The following DEDD2 variants were observed in gnomAD, a reference collection of about 807,000 sequenced individuals.
The protein encoded by DEDD2 is DNA-binding death effector domain-containing protein 2.
A neutral mutation model predicts 28.9 loss-of-function variants in DEDD2; 18 were observed. That is an observed-to-expected ratio of 0.62 (90% CI 0.43 to 0.92). The LOEUF is 0.92. DEDD2 is among the 40% of genes least tolerant of loss of function. DEDD2 has a pLI of 0.00. For missense variants in DEDD2, 411 were observed against 463.3 expected (o/e 0.89, Z 1.04); for synonymous variants, 211 against 206.1 (o/e 1.02, Z -0.20).
intron 4 of DEDD2, among the ~76,000 whole-genome samples, chr19:42,200,987 C>A (rs909795232): frequency 6.6e-6 from 1 of 152,214 alleles, no homozygotes; most frequent in Non-Finnish European, 1.5e-5. Flanking sequence ...ACGAGGCTGT[C>A]CTGAGGATCA....
intron 4 of DEDD2, 139 bp downstream of exon 4, chr19:42,209,561 A>G (rs1027719955): frequency 4.6e-5 from 59 of 1,273,380 alleles, no homozygotes; most frequent in Non-Finnish European, 5.5e-5. Flanking sequence ...GAGAAAGGAC[A>G]AGAATTCCAC....
intron 4 of DEDD2, among the ~76,000 whole-genome samples, chr19:42,209,271 T>C (rs1599769865): frequency 6.6e-6 from 1 of 151,602 alleles, no homozygotes; most frequent in East Asian, 1.9e-4. Context: ...GAAACGAAAC[T>C]GAGGCAGAGA....
At chr19:42,209,866 T>G in intron 3 of DEDD2, 26 bp from the exon 4 acceptor site, 2 of 1,504,106 alleles carry the variant, frequency 1.3e-6, no homozygotes, top group Non-Finnish European at 1.8e-6. Flanking sequence ...TGGGGCAAGT[T>G]GAGGACCAGG....
In DEDD2 at chr19:42,209,773, C is replaced by A; in HGVS notation, c.516G>T (p.Arg172=). 1 of 1,598,078 alleles carries A rather than the reference C, an allele frequency of 6.3e-7. No homozygotes were observed. The highest frequency in any genetic ancestry group is 1.1e-5 in the South Asian group (1 of 89,534). The change falls in exon 4 of 5, where the codon CGG becomes CGT. Residue 172 remains arginine, a synonymous_variant. Coordinates refer to ENST00000596251, the MANE Select transcript of DEDD2 (RefSeq NM_133328.4). ...GRPSGGARRR[R]RGAPAAPQQQ... is the part of the protein sequence containing the mutation. ...GCTGGGGTGCGGCTGGGGCCCCTCT[C>A]CGCCGCCGTCTGGCACCACCACTGG... is the stretch of plus-strand genomic sequence containing the variant.
Position 42,217,021 on chromosome 19 carries a change from AG to A in DEDD2, c.-15del. 1 of 1,564,344 alleles carries A rather than the reference AG, an allele frequency of 6.4e-7. No individual in the cohort carries two copies. Among genetic ancestry groups the A allele is most frequent in the Non-Finnish European group, 8.7e-7 (1 of 1,155,258 alleles). On this transcript the variant is annotated 5_prime_UTR_variant, in exon 2 of 5. Transcript: ENST00000596251. ...GGATAGCGCCATTCCCGGGGGAGGG[AG>A]GCGGAACAAGCTCAGAACCCGGCCT... is the stretch of plus-strand genomic sequence containing the variant.
At chr19:42,201,133 T>A (rs917927979) in intron 4 of DEDD2, among the ~76,000 whole-genome samples, 1 of 152,068 alleles carries the variant, frequency 6.6e-6, no homozygotes, top group Admixed American at 6.6e-5. Flanking sequence ...ACCCCCAACT[T>A]ACAGATGAAA....
chr19:42,213,176 AGACT>A (rs1335520981), intron 3 of DEDD2, among the ~76,000 whole-genome samples: 15 of 152,216 alleles, frequency 9.9e-5, no homozygotes, highest in African/African-American at 3.1e-4. Flanking sequence ...AACTGCAGGA[AGACT>A]GACTGACTGT....
Position 42,199,364 on chromosome 19 carries a change from G to A in DEDD2, c.*74C>T. The A allele has an allele frequency of 3.4e-6, 5 of 1,464,096 alleles. No homozygotes were observed. Among genetic ancestry groups the A allele is most frequent in the East Asian group, 2.5e-5 (1 of 40,732 alleles). The allele number at this position is 1,464,096 out of a possible 1,614,324, so 90.7% of individuals were successfully genotyped here. A position where few individuals can be genotyped will look rare whatever the true frequency, so the allele number is the denominator to read the frequency against. On this transcript the variant is annotated 3_prime_UTR_variant, in exon 5 of 5. Transcript: ENST00000596251. The surrounding 1 kb of genome is among the most constrained non-coding windows in gnomAD (Gnocchi z 7.4). Reference sequence around the variant, plus strand: ...GATGCTAGAGTGACAGTCCTCTAGGGGTAGAGATGGTCGTCCTCCCAGGAG... The same window carrying A: ...GATGCTAGAGTGACAGTCCTCTAGGAGTAGAGATGGTCGTCCTCCCAGGAG...
In DEDD2 at chr19:42,199,755, G is replaced by A; in HGVS notation, c.664C>T (p.Pro222Ser). Residue 222 changes from proline to serine, a missense_variant, in exon 5 of 5, where the codon CCC becomes TCC. By Grantham distance (74) the Pro-to-Ser change is moderately conservative. Coordinates refer to ENST00000596251, the MANE Select transcript of DEDD2 (RefSeq NM_133328.4). This position sits in a 1 kb window ranked among gnomAD's most constrained non-coding sequence, Gnocchi z 7.4. Reference sequence around the variant, plus strand: ...TCCAGCTGCCGCGCCAGCGCCTGGGGCCGCCGGGATGCCACGCCCTGCTCC... The same window carrying A: ...TCCAGCTGCCGCGCCAGCGCCTGGGACCGCCGGGATGCCACGCCCTGCTCC... ...ALEQGVASRRPQALARQLDVF... is the reference protein window; with the variant it reads ...ALEQGVASRRSQALARQLDVF... 6.2e-7 allele frequency: 1 copy of A among 1,612,312 alleles called. No individual in the cohort carries two copies. Among genetic ancestry groups the A allele is most frequent in the Non-Finnish European group, 8.5e-7 (1 of 1,179,116 alleles).
upstream of DEDD2, among the ~76,000 whole-genome samples, chr19:42,219,303 TCAAA>T (rs1287375299): frequency 2.8e-5 from 4 of 145,324 alleles, no homozygotes; most frequent in South Asian, 2.2e-4. Context: ...AAACTCTGTC[TCAAA>T]CAAACAAACA....
intron 3 of DEDD2, among the ~76,000 whole-genome samples, chr19:42,211,069 CAAAAAAA>C (rs750942650): frequency 1.9e-5 from 1 of 51,738 alleles, no homozygotes; most frequent in East Asian, 5.9e-4. Flanking sequence ...GACCCTGTCT[CAAAAAAA>C]AAAAAAAAAA....
At chr19:42,202,696 C>G (rs546440857) in intron 4 of DEDD2, among the ~76,000 whole-genome samples, 1 of 152,216 alleles carries the variant, frequency 6.6e-6, no homozygotes, top group African/African-American at 2.4e-5. Context: ...ACAAGCCAGG[C>G]TCTACTCAAG....
At chr19:42,211,213 T>TC (rs1296752623) in intron 3 of DEDD2, among the ~76,000 whole-genome samples, 6 of 129,074 alleles carry the variant, frequency 4.6e-5, no homozygotes, top group Admixed American at 3.3e-4. Context: ...AACCCGTCTC[T>TC]ATTAAAATAA....
rs779367073 is a variant in DEDD2, at chr19:42,209,726, G to C, written c.563C>G (p.Pro188Arg). ...ACAGGTCACTTTGCCTTCAGAGGAA[G>C]GTCTGGCGGGCTCTGACTGCTGCTG... ...APQQQSEPARPSSEGKVTCDI... is the reference protein window; with the variant it reads ...APQQQSEPARRSSEGKVTCDI... The change falls in exon 4 of 5, where the codon CCT becomes CGT. Residue 188 changes from proline (P) to arginine (R), a missense_variant. By Grantham distance (103) the Pro-to-Arg change is moderately radical (BLOSUM62 -2). Coordinates refer to ENST00000596251, the MANE Select transcript of DEDD2 (RefSeq NM_133328.4). 5 of 1,607,964 alleles carry C rather than the reference G, an allele frequency of 3.1e-6. No homozygotes were observed. The highest frequency in any genetic ancestry group is 3.4e-6 in the Non-Finnish European group (4 of 1,177,296).
intron 4 of DEDD2, among the ~76,000 whole-genome samples, chr19:42,208,014 G>A (rs1052741860): frequency 6.6e-6 from 1 of 152,108 alleles, no homozygotes; most frequent in African/African-American, 2.4e-5. Context: ...GAGACTCCCT[G>A]CACACCCCAG....
intron 4 of DEDD2, among the ~76,000 whole-genome samples, chr19:42,202,754 C>T (rs573410031): frequency 6.6e-6 from 1 of 152,268 alleles, no homozygotes; most frequent in South Asian, 2.1e-4. Context: ...TTTCACCAGC[C>T]CCATTTACAG....
intron 4 of DEDD2, chr19:42,202,100 T>C: frequency 2.5e-6 from 1 of 398,734 alleles, no homozygotes. Context: ...AAGAGGTCCC[T>C]GCTGCACATT....
intron 4 of DEDD2, among the ~76,000 whole-genome samples, chr19:42,208,045 C>G (rs1207744335): frequency 1.3e-5 from 2 of 152,206 alleles, no homozygotes; most frequent in African/African-American, 4.8e-5. Context: ...CTCACAATAC[C>G]CGTGCCACCT....
In DEDD2 at chr19:42,199,841, G is replaced by A. The variant is rs762771786; in HGVS notation, c.590-12C>T. 1.9e-6 allele frequency: 3 copies of A among 1,575,530 alleles called. No homozygotes were observed. Among genetic ancestry groups the A allele is most frequent in the African/African-American group, 2.7e-5 (2 of 74,100 alleles). On this transcript the variant is annotated splice_polypyrimidine_tract_variant and intron_variant, in intron 4 of 4. Transcript: ENST00000596251. The surrounding 1 kb of genome is among the most constrained non-coding windows in gnomAD (Gnocchi z 7.4). ...CCGGAGCCGGATGTCTGCAGGGGAA[G>A]GAGGGATTTGTCAGGGAGGGGGCCA...
Sources: allele counts gnomAD v4.1 joint callset (sites outside exome capture counted in the v4.1 genomes callset), GRCh38; gene constraint gnomAD v4.1.1; non-coding constraint Gnocchi (gnomAD v3.1); transcripts MANE v1.5; gene names NCBI Gene and HGNC (gene_info 2026-07-23, HGNC 2026-07-21).